Variants in TOMM34 observed in about 807,000 individuals in gnomAD.
TOMM34 encodes mitochondrial import receptor subunit TOM34.
TOMM34 carries 24 observed loss-of-function variants against 37.4 expected under a neutral mutation model. The ratio of observed to expected loss-of-function variants is 0.64; its 90% CI spans 0.46 to 0.90. TOMM34 has a LOEUF of 0.90. Ranked by LOEUF, TOMM34 falls within the 40% of genes least tolerant of loss-of-function variation. TOMM34 has a pLI of 0.00. For synonymous variants in TOMM34, 154 were observed against 148.9 expected, an observed-to-expected ratio of 1.03 and a Z score of -0.25; for missense variants, 304 against 375.6, an observed-to-expected ratio of 0.81 and a Z score of 1.58.
chr20:44,952,555 T>G, intron 3 of TOMM34: 1 of 716,818 alleles, frequency 1.4e-6, no homozygotes, highest in Non-Finnish European at 2.6e-6. Context: ...ACTTTGCACA[T>G]GCTTTTTCCT....
In TOMM34 at chr20:44,952,593, GA is replaced by G. The variant is rs979259774; in HGVS notation, c.381-592del. 2.5e-5 allele frequency: 18 copies of G among 716,954 alleles called. No homozygotes were observed. The African/African-American group carries it at 2.8e-4, about 11-fold the overall frequency. The allele number at this position is 716,954 out of a possible 1,614,324, so 44.4% of individuals were successfully genotyped here. ...ACCCAGAACAACCATTTTCATTTTG[GA>G]AAAAGATTGCCACCTTCCAGGCCCG... On this transcript the variant is annotated intron_variant, in intron 3 of 6. Coordinates refer to ENST00000372813, the MANE Select transcript of TOMM34 (RefSeq NM_006809.5).
chr20:44,955,419 G>C, intron 2 of TOMM34, 199 bp from the exon 3 acceptor site: 2 of 695,478 alleles, frequency 2.9e-6, no homozygotes, highest in South Asian at 3.2e-5. Context: ...AGAAGGCAGA[G>C]AAACATGAAT....
At chr20:44,950,865 C>T (rs895653500) in intron 4 of TOMM34, among the ~76,000 whole-genome samples, 1 of 152,228 alleles carries the variant, frequency 6.6e-6, no homozygotes, top group Non-Finnish European at 1.5e-5. Flanking sequence ...GCTTGCTGGG[C>T]TGGGACCATT....
intron 1 of TOMM34, among the ~76,000 whole-genome samples, chr20:44,956,834 G>A (rs1238160563): frequency 7.4e-6 from 1 of 135,554 alleles, no homozygotes; most frequent in African/African-American, 2.7e-5. Context: ...GGATAGGTGT[G>A]TATTTTATTA....
intron 5 of TOMM34, among the ~76,000 whole-genome samples, chr20:44,947,387 T>C (rs1163178530): frequency 6.6e-6 from 1 of 152,198 alleles, no homozygotes; most frequent in East Asian, 1.9e-4. Context: ...CATGTGAACA[T>C]GGAATTTTCA....
intron 3 of TOMM34, among the ~76,000 whole-genome samples, chr20:44,953,391 C>T (rs75396911): frequency 6.6e-6 from 1 of 152,146 alleles, no homozygotes; most frequent in African/African-American, 2.4e-5. Context: ...TCTTGAAATA[C>T]TCCTTCCCTT....
intron 1 of TOMM34, chr20:44,958,346 C>T (rs1032761744): frequency 1.3e-5 from 6 of 471,066 alleles, no homozygotes; most frequent in African/African-American, 6.0e-5. Context: ...GGCCCAGAGA[C>T]GGAAAGTACA....
chr20:44,954,952 GT>G (rs1601147461), intron 3 of TOMM34, 115 bp downstream of exon 3: 1 of 1,355,222 alleles, frequency 7.4e-7, no homozygotes, highest in African/African-American at 1.4e-5. Flanking sequence ...CCCATCGGGA[GT>G]TTTTTAAGTG....
intron 1 of TOMM34, among the ~76,000 whole-genome samples, chr20:44,957,890 G>A (rs570063157): frequency 3.9e-5 from 6 of 152,060 alleles, no homozygotes; most frequent in East Asian, 1.9e-4. Flanking sequence ...TGATCCTCCC[G>A]CTTTGGCCTC....
At chr20:44,950,022 C>T (rs1568661089) in intron 4 of TOMM34, among the ~76,000 whole-genome samples, 1 of 152,184 alleles carries the variant, frequency 6.6e-6, no homozygotes, top group Non-Finnish European at 1.5e-5. Flanking sequence ...GCTGAATTGT[C>T]CATTCTCCCA....
At chr20:44,958,041 GGTAT>G (rs1368554222) in intron 1 of TOMM34, among the ~76,000 whole-genome samples, 3 of 150,946 alleles carry the variant, frequency 2.0e-5, no homozygotes. Context: ...TCCTGAAGTT[GGTAT>G]GTAACATTTT....
Position 44,950,214 on chromosome 20 carries a change from A to G in TOMM34, c.551-1337T>C, listed in dbSNP as rs948822717. Among the ~76,000 whole-genome samples the G allele has an allele frequency of 2.0e-5, 3 of 152,016 alleles. 1 individual carries two copies. The highest frequency in any genetic ancestry group is 4.4e-5 in the Non-Finnish European group (3 of 67,990). On this transcript the variant is annotated intron_variant, in intron 4 of 6. Coordinates refer to ENST00000372813, the MANE Select transcript of TOMM34 (RefSeq NM_006809.5). ...CTTATTCCTACTGTTCCCCCCATGC[A>G]CTTTCATTCTCCAACTCTCTCCACT... is the stretch of plus-strand genomic sequence containing the variant.
chr20:44,948,778 C>G lies in TOMM34; in HGVS notation c.650G>C (p.Ser217Thr). 6.2e-7 allele frequency: 1 copy of G among 1,614,166 alleles called. No homozygotes were observed. Residue 217 changes from serine (S) to threonine (T), a missense_variant, in exon 5 of 7, where the codon AGT becomes ACT. Physicochemically the swap from Ser to Thr is moderately conservative, Grantham distance 58 (BLOSUM62 1). Transcript: ENST00000372813. Reference sequence around the variant, plus strand: ...CAGGTTACTACACAAGAGGCTTTCACTGTACTTCTCAATAGCTTTCTTATG... The same window carrying G: ...CAGGTTACTACACAAGAGGCTTTCAGTGTACTTCTCAATAGCTTTCTTATG... ...GNHKKAIEKY[S>T]ESLLCSNLES...
At chr20:44,943,603 G>T (rs767133716) in intron 5 of TOMM34, 24 bp from the exon 6 acceptor site, 8 of 1,613,722 alleles carry the variant, frequency 5.0e-6, no homozygotes, top group Non-Finnish European at 6.8e-6. Context: ...CCATTTCAGA[G>T]GTTTCAGTCA....
intron 5 of TOMM34, among the ~76,000 whole-genome samples, chr20:44,943,826 G>A (rs572598667): frequency 1.3e-5 from 2 of 152,068 alleles, no homozygotes; most frequent in African/African-American, 4.8e-5. Context: ...TCAAATAGGC[G>A]GGCGTTCGTT....
intron 3 of TOMM34, among the ~76,000 whole-genome samples, chr20:44,953,139 T>C (rs1279807415): frequency 6.6e-6 from 1 of 152,118 alleles, no homozygotes; most frequent in African/African-American, 2.4e-5. Flanking sequence ...TCCTCTCTAC[T>C]AACTCCAACC....
chr20:44,955,054 G>A lies in TOMM34; in HGVS notation c.380+14C>T. The A allele has an allele frequency of 6.2e-7, 1 of 1,613,504 alleles. No homozygotes were observed. On this transcript the variant is annotated intron_variant, in intron 3 of 6. Transcript: ENST00000372813. ...GAGTTGCCGTGGAGACCACCTGCTG[G>A]GAATGGAGCTCACCTGTTGATGCCT...
At position 44,942,812 on chromosome 20, in the gene TOMM34, TGAG is replaced by T. The variant is rs1219373622; in HGVS notation, c.*294_*296del. The T allele has an allele frequency of 8.5e-6, 4 of 469,496 alleles. No individual in the cohort carries two copies. The highest frequency in any genetic ancestry group is 1.5e-5 in the Non-Finnish European group (4 of 261,020). The allele number at this position is 469,496 out of a possible 1,614,324, so 29.1% of individuals were successfully genotyped here. ...AGGACAAAGCCAAATGCTTTGCTGA[TGAG>T]GATCTGTTGGTGTGATCAGCTAGCT... On this transcript the variant is annotated 3_prime_UTR_variant, in exon 7 of 7. Coordinates refer to ENST00000372813, the MANE Select transcript of TOMM34 (RefSeq NM_006809.5).
chr20:44,947,563 A>G (rs1256687140), intron 5 of TOMM34, among the ~76,000 whole-genome samples: 3 of 152,158 alleles, frequency 2.0e-5, no homozygotes, highest in African/African-American at 7.2e-5. Flanking sequence ...CAGTGGCACA[A>G]TCTTGGCTCA....
Sources: gnomAD v4.1 joint callset for allele counts (sites outside exome capture counted in the v4.1 genomes callset) on GRCh38, gnomAD v4.1.1 for gene constraint, MANE v1.5 for transcripts, NCBI Gene and HGNC (gene_info 2026-07-23, HGNC 2026-07-21) for gene names.